PLEKHG4B: variants seen among roughly 807,000 people sequenced by gnomAD.
PLEKHG4B encodes the protein pleckstrin homology and RhoGEF domain containing G4B.
Under a neutral mutation model 121.3 loss-of-function variants are expected in PLEKHG4B, and 111 were observed. The ratio of observed to expected loss-of-function variants is 0.92; its 90% confidence interval spans 0.78 to 1.07. The LOEUF (loss-of-function observed/expected upper bound fraction) is 1.07, where lower values mean the gene tolerates loss of function less well. PLEKHG4B is among the 50% of genes least tolerant of loss of function. The pLI is 0.00. For missense variants in PLEKHG4B, 1,831 were observed against 1,757.8 expected (o/e 1.04, Z -0.74); for synonymous variants, 738 against 725.0 (o/e 1.02, Z -0.29).
intron 14 of PLEKHG4B, 110 bp from the exon 15 acceptor site, chr5:170,933 C>A: frequency 1.3e-6 from 1 of 795,898 alleles, no homozygotes; most frequent in Non-Finnish European, 2.1e-6. Context: ...ACAAACTGCA[C>A]CTGGGGGGTC....
intron 2 of PLEKHG4B, among the ~76,000 whole-genome samples, chr5:116,875 T>C (rs1734322193): frequency 1.3e-5 from 2 of 152,222 alleles, no homozygotes; most frequent in South Asian, 4.1e-4. Context: ...GAAGACGTTT[T>C]CCTTTGTGAG....
intron 13 of PLEKHG4B, among the ~76,000 whole-genome samples, chr5:165,041 C>G (rs760635889): frequency 1.9e-4 from 15 of 78,332 alleles, no homozygotes; most frequent in African/African-American, 2.7e-4. Context: ...GGAGCTCACA[C>G]TAATGCTCTG....
intron 2 of PLEKHG4B, among the ~76,000 whole-genome samples, chr5:133,964 A>G (rs551886987): frequency 1.4e-5 from 2 of 147,956 alleles, no homozygotes; most frequent in Non-Finnish European, 3.0e-5. Flanking sequence ...TGGAATATAT[A>G]TATATGAGAT....
chr5:140,195 A>T lies in PLEKHG4B; in HGVS notation c.956A>T (p.Asp319Val), dbSNP rs1735113082. The T allele has an allele frequency of 1.7e-6, 2 of 1,159,524 alleles. No individual in the cohort carries two copies. The highest frequency in any genetic ancestry group is 3.3e-5 in the South Asian group (2 of 61,082). 71.8% of individuals were successfully genotyped at this position (1,159,524 alleles called of 1,614,324 possible). Residue 319 changes from aspartate (D) to valine (V), a missense_variant, in exon 3 of 20, where the codon GAC becomes GTC. By Grantham distance (152) the Asp-to-Val change is radical. Transcript: ENST00000637938. ...AGGCCGGACCCCATGGACCAGGAGGACAGACCCAAGGCCCTCACCTTCCAC... is the reference window on the plus strand; with the variant it reads ...AGGCCGGACCCCATGGACCAGGAGGTCAGACCCAAGGCCCTCACCTTCCAC... Reference protein sequence around the residue: ...GERPDPMDQEDRPKALTFHTD... With the variant: ...GERPDPMDQEVRPKALTFHTD...
Position 163,464 on chromosome 5 carries a change from G to C in PLEKHG4B, c.3392G>C (p.Ser1131Thr). 1.2e-6 allele frequency: 2 copies of C among 1,612,838 alleles called. No homozygotes were observed. The highest frequency in any genetic ancestry group is 1.7e-6 in the Non-Finnish European group (2 of 1,180,004). ...CTCCCGCTGTGGCAGCATGCCAGGAGCCCCCCGGTCACTCAGAGCCGGAGT... is the reference window on the plus strand; with the variant it reads ...CTCCCGCTGTGGCAGCATGCCAGGACCCCCCCGGTCACTCAGAGCCGGAGT... ...KKLPLWQHAR[S>T]PPVTQSRSLS... Residue 1131 changes from serine (S) to threonine (T), a missense_variant, in exon 13 of 20, where the codon AGC (serine) becomes ACC (threonine). Ser to Thr is a moderately conservative substitution (Grantham distance 58). Transcript: ENST00000637938.
chr5:178,360 T>C lies in PLEKHG4B; in HGVS notation c.4403-3154T>C, dbSNP rs996878151. On this transcript the variant is annotated intron_variant, in intron 18 of 19. Transcript: ENST00000637938. The stretch of plus-strand genomic sequence containing the variant: ...CCTGCCCTGCTCATGCCTGTCTAAC[T>C]ACCTGTAACAGCTTCGATTATTTGA... Among the ~76,000 whole-genome samples, 6 of 152,372 alleles carry C rather than the reference T, an allele frequency of 3.9e-5. No individual in the cohort carries two copies. The East Asian group carries it at 1.2e-3, about 29-fold the overall frequency.
Position 163,223 on chromosome 5 carries a change from G to C in PLEKHG4B, c.3151G>C (p.Ala1051Pro). The change falls in exon 13 of 20, where the codon GCC becomes CCC. Residue 1051 changes from alanine to proline, a missense_variant. Coordinates refer to ENST00000637938, the MANE Select transcript of PLEKHG4B (RefSeq NM_052909.5). ...CCTTCCAGGGGCAGGGGCCACCACG[G>C]CCCACCTGGAGGACAGCTCTGCCTG... ...RGLPGAGATT[A>P]HLEDSSACSS... 1 of 1,602,736 alleles carries C rather than the reference G, an allele frequency of 6.2e-7. No homozygotes were observed. The highest frequency in any genetic ancestry group is 8.5e-7 in the Non-Finnish European group (1 of 1,174,848).
At chr5:130,448 C>T (rs1014783272) in intron 2 of PLEKHG4B, among the ~76,000 whole-genome samples, 10 of 152,174 alleles carry the variant, frequency 6.6e-5, no homozygotes, top group Non-Finnish European at 8.8e-5. Context: ...CATCCCTTAA[C>T]GCCCCCCCAT....
At chr5:174,319 CA>C (rs1560954709) in intron 18 of PLEKHG4B, among the ~76,000 whole-genome samples, 4 of 57,858 alleles carry the variant, frequency 6.9e-5, no homozygotes, top group Non-Finnish European at 1.0e-4. Context: ...ATCCAGGGGC[CA>C]GGGGGCCAGC....
Position 156,855 on chromosome 5 carries a change from C to T in PLEKHG4B, c.2431C>T (p.Leu811Phe). ...GCTGGTCCTCACCTCGAACAATCGT[C>T]TCCAGCAGCTGGAGCACCTCCGGGA... is the stretch of plus-strand genomic sequence containing the variant. ...HRLVLTSNNRLQQLEHLRELA... is the reference protein window; with the variant it reads ...HRLVLTSNNRFQQLEHLRELA... The change falls in exon 11 of 20, where the codon CTC becomes TTC. Residue 811 changes from leucine to phenylalanine, a missense_variant. Physicochemically the swap from Leu to Phe is conservative, Grantham distance 22. Coordinates refer to ENST00000637938, the MANE Select transcript of PLEKHG4B (RefSeq NM_052909.5). The surrounding 1 kb of genome is among the most constrained non-coding windows in gnomAD (Gnocchi z 4.4). The T allele has an allele frequency of 4.4e-6, 7 of 1,608,308 alleles. No homozygotes were observed. Among genetic ancestry groups the T allele is most frequent in the Non-Finnish European group, 5.9e-6 (7 of 1,177,996 alleles).
chr5:157,245 C>A lies in PLEKHG4B; in HGVS notation c.2487+334C>A, dbSNP rs1735815346. The A allele has an allele frequency of 2.8e-6, 1 of 353,494 alleles. No homozygotes were observed. Among genetic ancestry groups the A allele is most frequent in the Non-Finnish European group, 5.5e-6 (1 of 182,760 alleles). The allele number at this position is 353,494 out of a possible 1,614,324, so 21.9% of individuals were successfully genotyped here. ...CGCTTTCTCCATGTGCATGCGTACACAGTGACTGAGAAGCCGAGGTGAAAC... is the reference window on the plus strand; with the variant it reads ...CGCTTTCTCCATGTGCATGCGTACAAAGTGACTGAGAAGCCGAGGTGAAAC... On this transcript the variant is annotated intron_variant, in intron 11 of 19. Transcript: ENST00000637938. The surrounding 1 kb of genome is among the most constrained non-coding windows in gnomAD (Gnocchi z 4.6).
chr5:156,227 G>T lies in PLEKHG4B; in HGVS notation c.2348+17G>T, dbSNP rs780973630. 9 of 1,478,514 alleles carry T rather than the reference G, an allele frequency of 6.1e-6. No homozygotes were observed. Among genetic ancestry groups the T allele is most frequent in the South Asian group, 2.8e-5 (2 of 71,000 alleles). 91.6% of individuals were successfully genotyped at this position (1,478,514 alleles called of 1,614,324 possible). A position where few individuals can be genotyped will look rare whatever the true frequency, so the allele number is the denominator to read the frequency against. ...AGACAGCCGGTGAGCGCTCACAGGG[G>T]TCATGCTGGGCCCTGGCCCATCGAG... On this transcript the variant is annotated intron_variant, in intron 10 of 19. Transcript: ENST00000637938. This position sits in a 1 kb window ranked among gnomAD's most constrained non-coding sequence, Gnocchi z 4.4.
intron 1 of PLEKHG4B, among the ~76,000 whole-genome samples, chr5:107,372 C>G (rs1168315349): frequency 1.3e-5 from 2 of 152,214 alleles, no homozygotes; most frequent in African/African-American, 4.8e-5. Flanking sequence ...CTGGCTCCAC[C>G]CTGTCCTGCC....
intron 2 of PLEKHG4B, among the ~76,000 whole-genome samples, chr5:131,975 A>C (rs781360917): frequency 6.6e-6 from 1 of 152,200 alleles, no homozygotes; most frequent in Non-Finnish European, 1.5e-5. Flanking sequence ...ACACTCTTTC[A>C]TGATAAAAAC....
rs753178812 is a variant in PLEKHG4B, at chr5:103,516, G to C, written c.46-9735G>C. 1.3e-4 allele frequency among the ~76,000 whole-genome samples: 20 copies of C among 152,092 alleles called. 1 individual carries two copies. The highest frequency in any genetic ancestry group is 2.6e-4 in the Admixed American group (4 of 15,262). On this transcript the variant is annotated intron_variant, in intron 1 of 19. Coordinates refer to ENST00000637938, the MANE Select transcript of PLEKHG4B (RefSeq NM_052909.5). ...GTACATTGCCCCACCCTCGACTCTG[G>C]ATATACTGCCATTTTCTGGATATAC...
At position 182,302 on chromosome 5, in the gene PLEKHG4B, G is replaced by A. The variant is rs919098370; in HGVS notation, c.4863G>A (p.Leu1621=). ...GTGAGGGGGCTCCTGCTGTGCTGCT[G>A]AGCCGCACACGCCAGGCCTGATGAC... ...AVCEGAPAVL[L]SRTRQA Residue 1621 remains leucine, a synonymous_variant, in exon 20 of 20, where the codon CTG becomes CTA. Transcript: ENST00000637938. 1.2e-6 allele frequency: 2 copies of A among 1,609,168 alleles called. No individual in the cohort carries two copies. The highest frequency in any genetic ancestry group is 2.7e-5 in the African/African-American group (2 of 74,856).
chr5:98,603 T>TTTTGTGTGTG (rs1733698869), intron 1 of PLEKHG4B, among the ~76,000 whole-genome samples: 2 of 111,546 alleles, frequency 1.8e-5, no homozygotes, highest in African/African-American at 7.7e-5. Context: ...CCTGGCTAAT[T>TTTTGTGTGTG]TGTGTGTGTG....
In PLEKHG4B at chr5:183,991, C is replaced by CGATAGATAGATAGAT. The variant is rs1553992885; in HGVS notation, c.*1669_*1683dup. The CGATAGATAGATAGAT allele has an allele frequency of 9.6e-6, 1 of 104,614 alleles. No homozygotes were observed. Among genetic ancestry groups the CGATAGATAGATAGAT allele is most frequent in the African/African-American group, 2.9e-5 (1 of 34,128 alleles). The allele number at this position is 104,614 out of a possible 1,614,324, so 6.5% of individuals were successfully genotyped here. ...CAGACAGATAGATAGATAGATAGAT[C>CGATAGATAGATAGAT]GATAGATAGATAGATAGATAGATAG... On this transcript the variant is annotated 3_prime_UTR_variant, in exon 20 of 20. Transcript: ENST00000637938.
chr5:152,078 T>C (rs934142847), intron 7 of PLEKHG4B, among the ~76,000 whole-genome samples: 23 of 152,252 alleles, frequency 1.5e-4, no homozygotes, highest in African/African-American at 5.3e-4. Context: ...AGGTACTTCC[T>C]TTCTTTTGAG....
Sources: allele counts gnomAD v4.1 joint callset (sites outside exome capture counted in the v4.1 genomes callset), GRCh38; gene constraint gnomAD v4.1.1; non-coding constraint Gnocchi (gnomAD v3.1); transcripts MANE v1.5; gene names NCBI Gene and HGNC (gene_info 2026-07-23, HGNC 2026-07-21).